DNAI3: variants seen among roughly 807,000 people sequenced by gnomAD.
DNAI3 encodes the protein dynein axonemal intermediate chain 3.
DNAI3 carries 83 observed loss-of-function variants against 115.5 expected under a neutral mutation model. That is an observed-to-expected ratio of 0.72 (90% confidence interval 0.60 to 0.86). DNAI3 has a LOEUF of 0.86. Among genes scored for constraint, DNAI3 ranks in the 40% least tolerant of loss-of-function variants. The probability of loss-of-function intolerance (pLI) is 0.00; values close to 1 mark genes in which losing one functional copy is unlikely to be tolerated. For missense variants in DNAI3, 1,004 were observed against 1,075.8 expected (o/e 0.93, Z 0.93); for synonymous variants, 320 against 347.0 (o/e 0.92, Z 0.86).
chr1:85,117,458 T>C (rs1217100798), intron 16 of DNAI3, among the ~76,000 whole-genome samples: 1 of 152,214 alleles, frequency 6.6e-6, no homozygotes, highest in Non-Finnish European at 1.5e-5. Flanking sequence ...CGATGATGTT[T>C]GTGTTTCAGC....
intron 14 of DNAI3, 43 bp downstream of exon 14, chr1:85,104,640 G>T: frequency 1.3e-6 from 2 of 1,564,450 alleles, no homozygotes; most frequent in South Asian, 1.1e-5. Context: ...TTTCATACAT[G>T]GTGTTTTTTC....
At chr1:85,106,304 T>C (rs1287868603) in intron 14 of DNAI3, among the ~76,000 whole-genome samples, 1 of 152,114 alleles carries the variant, frequency 6.6e-6, no homozygotes, top group African/African-American at 2.4e-5. Context: ...GCTTCCAAAG[T>C]TACTACCAAT....
In DNAI3 at chr1:85,126,831, C is replaced by T. The variant is rs181372432; in HGVS notation, c.2317+116C>T. The T allele has an allele frequency of 2.1e-4, 223 of 1,051,412 alleles. 1 individual carries two copies. The highest frequency in any genetic ancestry group is 7.8e-5 in the Non-Finnish European group (56 of 714,638). The allele number at this position is 1,051,412 out of a possible 1,614,324, so 65.1% of individuals were successfully genotyped here. On this transcript the variant is annotated intron_variant, in intron 20 of 22. Coordinates refer to ENST00000294664, the MANE Select transcript of DNAI3 (RefSeq NM_145172.5). ...TTAGTTTTTTGTTTTTCTTCCTGCT[C>T]ATCCCTTCTTATCCCTTCCCTTCTC...
At chr1:85,093,349 T>G (rs1655035879) in intron 8 of DNAI3, 109 bp from the exon 9 acceptor site, 2 of 977,592 alleles carry the variant, frequency 2.0e-6, no homozygotes. Context: ...AATTGAGAAT[T>G]ATTATTTTTT....
rs1403756365 is a variant in DNAI3 at position 85,110,131 on chromosome 1, A to G, written c.1782A>G (p.Thr594=). 1.9e-6 allele frequency: 3 copies of G among 1,609,590 alleles called. No homozygotes were observed. The highest frequency in any genetic ancestry group is 2.2e-5 in the East Asian group (1 of 44,648). The change falls in exon 16 of 23, where the codon ACA becomes ACG. Residue 594 remains threonine (T), a synonymous_variant. Transcript: ENST00000294664. ...SLNEDHLLCK[T]QDKMLAQSKT... ...ATGAAGACCATCTTCTTTGCAAAAC[A>G]CAAGGTAACTGCCTTTGCTTATTTA...
chr1:85,089,960 A>C (rs1162467403), intron 7 of DNAI3, among the ~76,000 whole-genome samples, 156 bp from the exon 8 acceptor site: 21 of 152,118 alleles, frequency 1.4e-4, no homozygotes, highest in Admixed American at 1.4e-3. Flanking sequence ...GGTCAATATC[A>C]GTTGTCTAGG....
At chr1:85,093,336 T>C in intron 8 of DNAI3, 122 bp from the exon 9 acceptor site, 1 of 923,220 alleles carries the variant, frequency 1.1e-6, no homozygotes, top group Non-Finnish European at 1.6e-6. Flanking sequence ...TATCACCAAA[T>C]ATAATTGAGA....
chr1:85,063,389 T>A (rs1364841467), intron 1 of DNAI3, among the ~76,000 whole-genome samples: 1 of 152,112 alleles, frequency 6.6e-6, no homozygotes, highest in Non-Finnish European at 1.5e-5. Context: ...AGTCCTCGAC[T>A]GTTTGGGAAT....
chr1:85,126,694 A>C lies in DNAI3; in HGVS notation c.2296A>C (p.Ile766Leu), dbSNP rs2100616797. The C allele has an allele frequency of 6.2e-7, 1 of 1,614,146 alleles. No homozygotes were observed. The highest frequency in any genetic ancestry group is 8.5e-7 in the Non-Finnish European group (1 of 1,180,002). The change falls in exon 20 of 23, where the codon ATC becomes CTC. Residue 766 changes from isoleucine to leucine, a missense_variant. Physicochemically the swap from Ile to Leu is conservative, Grantham distance 5. Around this residue, in one of 3 missense-constraint regions of DNAI3, gnomAD observed 429 missense variants for 454.3 expected, o/e 0.94. Transcript: ENST00000294664. ...CATTTGCATAACTATGATCACCTACATCAAACCCTGGATCTTTTCTTGTAT... is the reference window on the plus strand; with the variant it reads ...CATTTGCATAACTATGATCACCTACCTCAAACCCTGGATCTTTTCTTGTAT... ...QNICITMITYIKPWIFSSKQQ... is the reference protein window; with the variant it reads ...QNICITMITYLKPWIFSSKQQ...
At chr1:85,113,227 T>C (rs1453135024) in intron 16 of DNAI3, among the ~76,000 whole-genome samples, 1 of 152,246 alleles carries the variant, frequency 6.6e-6, no homozygotes, top group Middle Eastern at 3.2e-3. Context: ...AAGTTTTTAA[T>C]TTTGAGGAAG....
intron 5 of DNAI3, among the ~76,000 whole-genome samples, chr1:85,083,695 TTTA>T (rs1231696087): frequency 6.6e-6 from 1 of 151,996 alleles, no homozygotes; most frequent in African/African-American, 2.4e-5. Flanking sequence ...AATATTAATT[TTTA>T]TTATATTTAC....
intron 13 of DNAI3, 127 bp downstream of exon 13, chr1:85,098,785 C>A: frequency 8.0e-6 from 11 of 1,372,300 alleles, no homozygotes; most frequent in Admixed American, 4.4e-5. Flanking sequence ...AACTAAGCAT[C>A]AAAAAATGGG....
At chr1:85,129,427 A>G (rs907759277) in intron 21 of DNAI3, among the ~76,000 whole-genome samples, 1 of 151,400 alleles carries the variant, frequency 6.6e-6, no homozygotes, top group Non-Finnish European at 1.5e-5. Context: ...GCCTTCCCCA[A>G]GGTCTCTGCT....
chr1:85,094,212 C>G (rs1655062805), intron 9 of DNAI3: 1 of 581,296 alleles, frequency 1.7e-6, no homozygotes, highest in African/African-American at 1.9e-5. Context: ...ATATTTTATA[C>G]TAACAGTACA....
intron 14 of DNAI3, among the ~76,000 whole-genome samples, chr1:85,107,423 A>G (rs1571187564): frequency 6.6e-6 from 1 of 152,214 alleles, no homozygotes; most frequent in Admixed American, 6.5e-5. Flanking sequence ...AAGTCCTGAT[A>G]CGTGCCAGCC....
chr1:85,129,157 A>G (rs1165035568), intron 21 of DNAI3, among the ~76,000 whole-genome samples: 1 of 151,994 alleles, frequency 6.6e-6, no homozygotes, highest in African/African-American at 2.4e-5. Context: ...GCATCTCTCC[A>G]TCACCCACCC....
At chr1:85,075,665 A>C (rs1557707400) in intron 3 of DNAI3, among the ~76,000 whole-genome samples, 1 of 152,152 alleles carries the variant, frequency 6.6e-6, no homozygotes, top group African/African-American at 2.4e-5. Flanking sequence ...TAACTAAAAA[A>C]CTGTCAGTCC....
At position 85,110,056 on chromosome 1, in the gene DNAI3, G is replaced by A. The variant is rs774192929; in HGVS notation, c.1707G>A (p.Leu569=). Residue 569 remains leucine, a synonymous_variant, in exon 16 of 23, where the codon CTG becomes CTA. Transcript: ENST00000294664. ...ATATGTTCTCCCAAAAGGTAAGGCTGTCCAAGGGTGAAACAAGTTTAGACC... is the reference window on the plus strand; with the variant it reads ...ATATGTTCTCCCAAAAGGTAAGGCTATCCAAGGGTGAAACAAGTTTAGACC... ...LSWKPLTKVR[L]SKGETSLDHC... 4 of 1,612,638 alleles carry A rather than the reference G, an allele frequency of 2.5e-6. No individual in the cohort carries two copies. The highest frequency in any genetic ancestry group is 3.4e-6 in the Non-Finnish European group (4 of 1,179,234).
intron 8 of DNAI3, among the ~76,000 whole-genome samples, chr1:85,092,043 G>A (rs1186604540): frequency 3.9e-5 from 6 of 152,058 alleles, no homozygotes; most frequent in East Asian, 1.9e-4. Context: ...TTTAAGCCTC[G>A]AGAGTCCGCT....
Sources: allele counts gnomAD v4.1 joint callset (sites outside exome capture counted in the v4.1 genomes callset), GRCh38; gene constraint gnomAD v4.1.1; regional missense constraint gnomAD v4.1.1; transcripts MANE v1.5; gene names NCBI Gene and HGNC (gene_info 2026-07-23, HGNC 2026-07-21).